ME1: variants seen among roughly 807,000 people sequenced by gnomAD.
ME1 encodes NADP-dependent malic enzyme.
Under a neutral mutation model 66.4 loss-of-function variants are expected in ME1, and 74 were observed. The observed-to-expected ratio is 1.11, with a 90% confidence interval of 0.92 to 1.35. The LOEUF is 1.35. Ranked by LOEUF, ME1 falls within the 40% of genes most tolerant of loss-of-function variation. The pLI, the probability that ME1 is intolerant of heterozygous loss-of-function variation, is 0.00. For synonymous variants in ME1, 251 were observed against 235.6 expected (o/e 1.07, Z -0.60); for missense variants, 750 against 694.1 (o/e 1.08, Z -0.90).
intron 3 of ME1, among the ~76,000 whole-genome samples, chr6:83,394,454 A>T (rs1421955048): frequency 6.6e-6 from 1 of 152,208 alleles, no homozygotes; most frequent in Admixed American, 6.5e-5. Context: ...CAATAAAAAA[A>T]TTTTAATGTA....
intron 3 of ME1, among the ~76,000 whole-genome samples, chr6:83,362,040 T>C (rs1769015687): frequency 6.6e-6 from 1 of 152,174 alleles, no homozygotes; most frequent in Non-Finnish European, 1.5e-5. Flanking sequence ...CTGCACAATA[T>C]GCAGATAACA....
chr6:83,309,608 T>C (rs1767892948), intron 6 of ME1, among the ~76,000 whole-genome samples: 1 of 152,100 alleles, frequency 6.6e-6, no homozygotes, highest in Non-Finnish European at 1.5e-5. Flanking sequence ...AGTATAAATG[T>C]GAAGTGGAGT....
intron 7 of ME1, among the ~76,000 whole-genome samples, chr6:83,251,477 G>A (rs1327840641): frequency 6.7e-6 from 1 of 149,888 alleles, no homozygotes; most frequent in Non-Finnish European, 1.5e-5. Flanking sequence ...CCGGGCAATA[G>A]AGCAAGACTC....
At chr6:83,320,586 T>C (rs1005781083) in intron 5 of ME1, among the ~76,000 whole-genome samples, 5 of 152,212 alleles carry the variant, frequency 3.3e-5, no homozygotes, top group Non-Finnish European at 7.3e-5. Context: ...GCAGCTGAAG[T>C]TGAAGTGCCA....
intron 6 of ME1, among the ~76,000 whole-genome samples, chr6:83,311,513 C>T (rs970721483): frequency 6.6e-6 from 1 of 151,908 alleles, no homozygotes; most frequent in Non-Finnish European, 1.5e-5. Flanking sequence ...GAGGGGATTG[C>T]GAGGCTCAGA....
At chr6:83,241,316 T>C (rs1790504365) in intron 7 of ME1, among the ~76,000 whole-genome samples, 1 of 152,160 alleles carries the variant, frequency 6.6e-6, no homozygotes, top group African/African-American at 2.4e-5. Flanking sequence ...TCTATGATTT[T>C]AAGGGTTTCT....
Position 83,228,839 on chromosome 6 carries a change from T to C in ME1, c.1119A>G (p.Pro373=), listed in dbSNP as rs1790247248. Residue 373 remains proline (P), a synonymous_variant, in exon 10 of 14, where the codon CCA becomes CCG. Transcript: ENST00000369705. ...GAAAATGCTTACCTATGAGGGCAGT[T>C]GGTTTTATTTCTTGAACAATGGCTT... ...NLEAIVQEIK[P]TALIGVAAIG... 1 of 1,609,036 alleles carries C rather than the reference T, an allele frequency of 6.2e-7. No individual in the cohort carries two copies. Among genetic ancestry groups the C allele is most frequent in the Admixed American group, 1.7e-5 (1 of 59,316 alleles).
At chr6:83,212,586 A>G (rs1041264400) in intron 13 of ME1, among the ~76,000 whole-genome samples, 6 of 152,132 alleles carry the variant, frequency 3.9e-5, no homozygotes, top group African/African-American at 1.2e-4. Context: ...AGCGTCACAG[A>G]TTCTCTGGTC....
chr6:83,356,286 A>G (rs1197189834), intron 3 of ME1, among the ~76,000 whole-genome samples: 2 of 152,140 alleles, frequency 1.3e-5, no homozygotes, highest in Non-Finnish European at 2.9e-5. Context: ...CTTTTGAAAT[A>G]AGAAAAGTAA....
chr6:83,380,690 C>A (rs1769379838), intron 3 of ME1, among the ~76,000 whole-genome samples: 2 of 151,992 alleles, frequency 1.3e-5, no homozygotes, highest in South Asian at 4.1e-4. Context: ...GGATGTTAGG[C>A]TGGGGAGTGG....
chr6:83,237,763 G>C lies in ME1; in HGVS notation c.980C>G (p.Ala327Gly), dbSNP rs774884114. ...ATCAACCAGCCATATCTTTTTGATG[G>C]CTTTCTCTTTTGGTAAACCTTCTTT... ...LEKEGLPKEK[A>G]IKKIWLVDSK... is the part of the protein sequence containing the mutation. The change falls in exon 9 of 14, where the codon GCC (alanine) becomes GGC (glycine). Residue 327 changes from alanine to glycine, a missense_variant. By Grantham distance (60) the Ala-to-Gly change is moderately conservative (BLOSUM62 0). Coordinates refer to ENST00000369705, the MANE Select transcript of ME1 (RefSeq NM_002395.6). The C allele has an allele frequency of 2.5e-6, 4 of 1,607,570 alleles. No individual in the cohort carries two copies. Among genetic ancestry groups the C allele is most frequent in the East Asian group, 2.2e-5 (1 of 44,550 alleles).
intron 13 of ME1, among the ~76,000 whole-genome samples, chr6:83,213,305 C>T (rs1045545373): frequency 1.3e-5 from 2 of 151,078 alleles, no homozygotes; most frequent in Admixed American, 6.6e-5. Context: ...ATGCCTGTAA[C>T]CCTAGCTACT....
intron 6 of ME1, among the ~76,000 whole-genome samples, chr6:83,273,254 T>C (rs1385307135): frequency 6.6e-6 from 1 of 151,770 alleles, no homozygotes; most frequent in African/African-American, 2.4e-5. Flanking sequence ...AATTGTCCCT[T>C]TTAAGAAGAC....
At chr6:83,224,043 G>A in intron 11 of ME1, 110 bp from the exon 12 acceptor site, 1 of 1,008,454 alleles carries the variant, frequency 9.9e-7, no homozygotes, top group Non-Finnish European at 1.4e-6. Context: ...TTAGAAAGAA[G>A]TCTAGTTTTT....
intron 3 of ME1, among the ~76,000 whole-genome samples, chr6:83,388,396 A>G (rs993567589): frequency 3.3e-5 from 5 of 152,172 alleles, no homozygotes; most frequent in Admixed American, 3.3e-4. Context: ...CCCCAAATGA[A>G]CTTTCTATCT....
chr6:83,368,774 T>C (rs750638926), intron 3 of ME1, among the ~76,000 whole-genome samples: 7 of 152,064 alleles, frequency 4.6e-5, no homozygotes, highest in Non-Finnish European at 8.8e-5. Flanking sequence ...CTATGAATCC[T>C]TAGAACAGTC....
intron 5 of ME1, among the ~76,000 whole-genome samples, chr6:83,316,388 AG>A (rs1212543959): frequency 6.6e-6 from 1 of 152,182 alleles, no homozygotes; most frequent in Non-Finnish European, 1.5e-5. Flanking sequence ...TCATAACAAA[AG>A]CTCTCAGTAA....
intron 3 of ME1, among the ~76,000 whole-genome samples, chr6:83,355,549 T>C (rs981940199): frequency 1.3e-5 from 2 of 152,150 alleles, no homozygotes; most frequent in Non-Finnish European, 2.9e-5. Flanking sequence ...TAGAGATTCA[T>C]TCATAGAAAG....
intron 6 of ME1, among the ~76,000 whole-genome samples, chr6:83,276,981 T>G (rs1767194183): frequency 6.6e-6 from 1 of 152,188 alleles, no homozygotes; most frequent in African/African-American, 2.4e-5. Flanking sequence ...AATAAACTGT[T>G]AAGTGGTTAA....
Sources: gnomAD v4.1 joint callset for allele counts (sites outside exome capture counted in the v4.1 genomes callset) on GRCh38, gnomAD v4.1.1 for gene constraint, MANE v1.5 for transcripts, NCBI Gene and HGNC (gene_info 2026-07-23, HGNC 2026-07-21) for gene names.